GLIS3: variants seen among roughly 807,000 people sequenced by gnomAD.
The protein encoded by GLIS3 is GLIS family zinc finger 3, also known as zinc finger protein GLIS3.
In GLIS3, 53 loss-of-function variants were observed where a neutral mutation model predicts 78.6. The observed-to-expected ratio is 0.67, with a 90% CI of 0.54 to 0.85. The LOEUF (loss-of-function observed/expected upper bound fraction) is 0.85. GLIS3 is among the 40% of genes least tolerant of loss of function. The pLI, the probability that GLIS3 is intolerant of heterozygous loss-of-function variation, is 0.00. For synonymous variants in GLIS3, 684 were observed against 509.9 expected, an observed-to-expected ratio of 1.34 and a Z score of -4.60; for missense variants, 1,703 against 1,231.1, an observed-to-expected ratio of 1.38 and a Z score of -5.74.
At chr9:4,050,848 C>G (rs10974301) in intron 4 of GLIS3, among the ~76,000 whole-genome samples, 37,750 of 152,048 alleles carry the variant, frequency 0.25, 5,645 homozygotes, top group South Asian at 0.47. Context: ...TGGGCCTCCA[C>G]GTAAGAGGAG....
intron 4 of GLIS3, among the ~76,000 whole-genome samples, chr9:4,116,334 G>T (rs980453814): frequency 1.3e-5 from 2 of 152,152 alleles, no homozygotes; most frequent in African/African-American, 2.4e-5. Context: ...TTTCTTTGTG[G>T]CATTTTTAAT....
chr9:4,420,905 T>A, the GLIS3 span, among the ~76,000 whole-genome samples: 1 of 152,210 alleles, frequency 6.6e-6, no homozygotes, highest in African/African-American at 2.4e-5. Flanking sequence ...TCTCCCCCAT[T>A]AAGAAATAGA....
chr9:4,433,602 A>G, the GLIS3 span, among the ~76,000 whole-genome samples: 1 of 152,216 alleles, frequency 6.6e-6, no homozygotes, highest in Non-Finnish European at 1.5e-5. Context: ...AATGATTTGC[A>G]TAAGGTGAAA....
intron 9 of GLIS3, among the ~76,000 whole-genome samples, chr9:3,843,801 A>G (rs1334012240): frequency 6.6e-6 from 1 of 152,216 alleles, no homozygotes; most frequent in Non-Finnish European, 1.5e-5. Context: ...TTTTGTCACA[A>G]TGGCAAGGAA....
the GLIS3 span, among the ~76,000 whole-genome samples, chr9:4,481,030 AT>A: frequency 3.1e-4 from 47 of 152,090 alleles, 1 homozygote; most frequent in Middle Eastern, 0.02. Flanking sequence ...AATTTTTTGT[AT>A]TTTTTGTAGA....
chr9:4,047,140 T>A (rs532737760), intron 4 of GLIS3, among the ~76,000 whole-genome samples: 1 of 152,288 alleles, frequency 6.6e-6, no homozygotes, highest in South Asian at 2.1e-4. Flanking sequence ...CCCATGCTGT[T>A]CTTGTGTTAG....
chr9:4,036,140 G>A (rs1414546384), intron 4 of GLIS3: 1 of 152,206 alleles, frequency 6.6e-6, no homozygotes, highest in Non-Finnish European at 1.5e-5. Context: ...CCCAAGTGAG[G>A]ATTTTCCTTT....
the GLIS3 span, among the ~76,000 whole-genome samples, chr9:4,432,638 CTTTTTTT>C: frequency 8.8e-6 from 1 of 113,536 alleles, no homozygotes; most frequent in Non-Finnish European, 1.8e-5. Context: ...TTTTTATTTC[CTTTTTTT>C]TTTTTTTTTT....
At chr9:3,912,528 G>A (rs963453726) in intron 6 of GLIS3, among the ~76,000 whole-genome samples, 3 of 152,162 alleles carry the variant, frequency 2.0e-5, no homozygotes, top group Non-Finnish European at 2.9e-5. Context: ...GGACAGAGTT[G>A]GGGAGCTGAG....
chr9:4,022,352 A>G (rs1254027465), intron 4 of GLIS3, among the ~76,000 whole-genome samples: 1 of 152,234 alleles, frequency 6.6e-6, no homozygotes, highest in Non-Finnish European at 1.5e-5. Flanking sequence ...CCTTTTTAAG[A>G]GCATATTTTA....
At chr9:3,904,004 A>T (rs778560652) in intron 6 of GLIS3, among the ~76,000 whole-genome samples, 1 of 152,156 alleles carries the variant, frequency 6.6e-6, no homozygotes, top group Admixed American at 6.5e-5. Flanking sequence ...TAAGTCTCTT[A>T]GTCTTGGTAC....
chr9:3,955,908 T>A (rs948755242), intron 4 of GLIS3, among the ~76,000 whole-genome samples: 4 of 151,576 alleles, frequency 2.6e-5, no homozygotes, highest in African/African-American at 9.7e-5. Flanking sequence ...AGTCTCCCTT[T>A]AATGACAGCT....
At chr9:3,861,920 A>G (rs564975946) in intron 8 of GLIS3, among the ~76,000 whole-genome samples, 1 of 151,730 alleles carries the variant, frequency 6.6e-6, no homozygotes, top group Admixed American at 6.6e-5. Flanking sequence ...ACATCCTGCA[A>G]ATGTATCCCA....
intron 8 of GLIS3, among the ~76,000 whole-genome samples, chr9:3,864,884 A>G (rs536615375): frequency 2.0e-5 from 3 of 152,296 alleles, no homozygotes; most frequent in African/African-American, 7.2e-5. Context: ...TTCTACGAGA[A>G]GGTAAGTATT....
the GLIS3 span, among the ~76,000 whole-genome samples, chr9:4,364,332 G>A: frequency 1.3e-5 from 2 of 152,194 alleles, no homozygotes; most frequent in East Asian, 1.9e-4. Context: ...TCCTTCTTCA[G>A]AAACAGTGTA....
intron 4 of GLIS3, among the ~76,000 whole-genome samples, chr9:4,094,823 G>A (rs1829810928): frequency 6.6e-6 from 1 of 151,952 alleles, no homozygotes; most frequent in Admixed American, 6.6e-5. Context: ...TCACAAACTA[G>A]GACAAAATTT....
the GLIS3 span, among the ~76,000 whole-genome samples, chr9:4,444,768 G>T: frequency 2.6e-5 from 4 of 152,148 alleles, no homozygotes; most frequent in Non-Finnish European, 2.9e-5. Context: ...ACTACCACAG[G>T]CTTTGCTGCA....
At chr9:4,279,202 C>A (rs10974430) in intron 2 of GLIS3, among the ~76,000 whole-genome samples, 1 of 149,562 alleles carries the variant, frequency 6.7e-6, no homozygotes, top group African/African-American at 2.5e-5. Flanking sequence ...ATGAGGCTGA[C>A]GCAGAGAACT....
chr9:4,215,230 G>C (rs1028320264), intron 2 of GLIS3, among the ~76,000 whole-genome samples: 1 of 152,164 alleles, frequency 6.6e-6, no homozygotes, highest in African/African-American at 2.4e-5. Flanking sequence ...CCTCCCCTCT[G>C]AAAGTCTCCA....
Sources: gnomAD v4.1 joint callset for allele counts (sites outside exome capture counted in the v4.1 genomes callset) on GRCh38, gnomAD v4.1.1 for gene constraint, MANE v1.5 for transcripts, NCBI Gene and HGNC (gene_info 2026-07-23, HGNC 2026-07-21) for gene names.